The following ASIC2 variants were observed in gnomAD, a reference collection of about 807,000 sequenced individuals.
ASIC2 encodes the protein acid-sensing ion channel 2.
In ASIC2, 25 loss-of-function variants were observed where a neutral mutation model predicts 57.3. That is an observed-to-expected ratio of 0.44 (90% CI 0.32 to 0.61). ASIC2 has a LOEUF of 0.61. Among genes scored for constraint, ASIC2 ranks in the 20% least tolerant of loss-of-function variants. The pLI is 0.06. For synonymous variants in ASIC2, 319 were observed against 307.5 expected, an observed-to-expected ratio of 1.04 and a Z score of -0.39; for missense variants, 641 against 738.1, an observed-to-expected ratio of 0.87 and a Z score of 1.52.
Position 33,291,438 on chromosome 17 carries a change from G to A in ASIC2, c.678C>T (p.Gly226=), listed in dbSNP as rs952150268. Residue 226 remains glycine, a synonymous_variant, in exon 1 of 10, where the codon GGC becomes GGT. Transcript: ENST00000225823. ...AGAAGTTGTGCGGCCCGCAGAGCTC[G>A]CCGCGGTACTTGCAGGAGAGCAGCA... is the stretch of plus-strand genomic sequence containing the variant. The part of the protein sequence containing the change: ...EDMLLSCKYR[G]ELCGPHNFSS... 11 of 1,606,120 alleles carry A rather than the reference G, an allele frequency of 6.8e-6. No homozygotes were observed. The highest frequency in any genetic ancestry group is 2.2e-5 in the East Asian group (1 of 44,692).
intron 1 of ASIC2, among the ~76,000 whole-genome samples, chr17:33,699,192 CATGTGGAGAAG>C (rs1485694749): frequency 3.3e-5 from 5 of 152,178 alleles, no homozygotes; most frequent in Admixed American, 3.3e-4. Flanking sequence ...CTCCATGAGT[CATGTGGAGAAG>C]ACATGTTTAA....
intron 3 of ASIC2, among the ~76,000 whole-genome samples, chr17:33,081,846 A>G (rs2092114228): frequency 6.6e-6 from 1 of 152,230 alleles, no homozygotes; most frequent in East Asian, 1.9e-4. Context: ...AACTTATACC[A>G]GAGGCAGAGG....
chr17:33,229,101 G>A (rs1444069641), intron 1 of ASIC2, among the ~76,000 whole-genome samples: 6 of 152,192 alleles, frequency 3.9e-5, no homozygotes, highest in Non-Finnish European at 7.3e-5. Context: ...ACAGGAACAC[G>A]TGAGACTGTT....
chr17:33,715,470 C>CA (rs553938934), intron 1 of ASIC2, among the ~76,000 whole-genome samples: 94 of 152,258 alleles, frequency 6.2e-4, no homozygotes, highest in Middle Eastern at 3.4e-3. Context: ...AGAGGATGGA[C>CA]AGAGCTGTGT....
At chr17:33,656,087 C>T (rs1250619243) in intron 1 of ASIC2, among the ~76,000 whole-genome samples, 2 of 152,010 alleles carry the variant, frequency 1.3e-5, no homozygotes, top group African/African-American at 4.8e-5. Flanking sequence ...TGAGAGTCTT[C>T]CCTAGAAACT....
intron 1 of ASIC2, among the ~76,000 whole-genome samples, chr17:33,494,921 A>G (rs892209676): frequency 1.1e-4 from 17 of 152,128 alleles, no homozygotes; most frequent in African/African-American, 3.6e-4. Flanking sequence ...GTGGCCTCTG[A>G]CCTGCTGTGC....
chr17:34,100,529 G>A (rs113302641), intron 1 of ASIC2, among the ~76,000 whole-genome samples: 4,449 of 152,268 alleles, frequency 0.029, 233 homozygotes, highest in African/African-American at 0.1. Flanking sequence ...TTCAGACTTT[G>A]TCAACCTCAG....
intron 1 of ASIC2, among the ~76,000 whole-genome samples, chr17:33,506,057 G>C (rs1255237773): frequency 2.0e-5 from 3 of 152,092 alleles, no homozygotes; most frequent in Non-Finnish European, 4.4e-5. Flanking sequence ...CTGGGGTTAG[G>C]GCAGAGTCCT....
At chr17:33,668,032 A>G (rs951921500) in intron 1 of ASIC2, among the ~76,000 whole-genome samples, 1 of 151,972 alleles carries the variant, frequency 6.6e-6, no homozygotes, top group Non-Finnish European at 1.5e-5. Flanking sequence ...ATACTAAAAA[A>G]TCCTCCCCTA....
intron 1 of ASIC2, among the ~76,000 whole-genome samples, chr17:33,209,474 A>G (rs1907193264): frequency 1.3e-5 from 2 of 152,328 alleles, no homozygotes; most frequent in South Asian, 4.1e-4. Context: ...TCTTTGTGAC[A>G]GGGGACAGTC....
At chr17:33,345,811 G>A (rs990388408) in intron 1 of ASIC2, among the ~76,000 whole-genome samples, 5 of 152,128 alleles carry the variant, frequency 3.3e-5, no homozygotes, top group African/African-American at 1.2e-4. Flanking sequence ...TCTCTTGGGT[G>A]CTTGCATGGA....
chr17:33,986,286 G>A (rs181382267), intron 1 of ASIC2, among the ~76,000 whole-genome samples: 2 of 151,460 alleles, frequency 1.3e-5, no homozygotes, highest in East Asian at 3.9e-4. Flanking sequence ...TGCTGAATCA[G>A]CAATTGGGCA....
intron 1 of ASIC2, among the ~76,000 whole-genome samples, chr17:33,445,290 G>T (rs1324834793): frequency 3.3e-5 from 5 of 152,076 alleles, no homozygotes; most frequent in Non-Finnish European, 1.5e-5. Flanking sequence ...AATTAACTGG[G>T]CGTGGTGGCA....
chr17:34,015,435 G>T (rs1050721508), intron 1 of ASIC2, among the ~76,000 whole-genome samples: 1 of 152,212 alleles, frequency 6.6e-6, no homozygotes, highest in African/African-American at 2.4e-5. Context: ...GCCAAAGAAT[G>T]TTGAGTGTGA....
intron 1 of ASIC2, among the ~76,000 whole-genome samples, chr17:33,954,699 A>G (rs915105082): frequency 6.6e-6 from 1 of 152,186 alleles, no homozygotes; most frequent in Non-Finnish European, 1.5e-5. Context: ...CTCTGCCACG[A>G]AGCTGTGAGT....
rs189755825 is a variant in ASIC2 at position 33,869,294 on chromosome 17, C to A, written c.555+286684G>T. Reference sequence around the variant, plus strand: ...GGCAAAGATGTGGGGAAATTGGAACCCTCATACACTGCTGGTGGGAACGTA... The same window carrying A: ...GGCAAAGATGTGGGGAAATTGGAACACTCATACACTGCTGGTGGGAACGTA... On this transcript the variant is annotated intron_variant, in intron 1 of 9. Coordinates refer to the ASIC2 transcript ENST00000359872. 3.3e-5 allele frequency among the ~76,000 whole-genome samples: 5 copies of A among 152,060 alleles called. No homozygotes were observed. The East Asian group carries it at 5.8e-4, about 18-fold the overall frequency.
At chr17:33,752,463 C>A (rs1910465366) in intron 1 of ASIC2, among the ~76,000 whole-genome samples, 1 of 151,992 alleles carries the variant, frequency 6.6e-6, no homozygotes, top group Non-Finnish European at 1.5e-5. Flanking sequence ...AAGCACATAT[C>A]TGAAAAAGGA....
intron 1 of ASIC2, among the ~76,000 whole-genome samples, chr17:33,827,085 G>T (rs913162862): frequency 4.6e-5 from 7 of 152,142 alleles, no homozygotes; most frequent in Admixed American, 1.3e-4. Flanking sequence ...AGATTTTGAT[G>T]TGGCTCTGGA....
intron 1 of ASIC2, among the ~76,000 whole-genome samples, chr17:33,676,274 G>T (rs73280934): frequency 0.049 from 7,448 of 152,224 alleles, 478 homozygotes; most frequent in African/African-American, 0.15. Flanking sequence ...CCTCTAAGTA[G>T]TCAAGTGAAA....
Sources: gnomAD v4.1 joint callset for allele counts (sites outside exome capture counted in the v4.1 genomes callset) on GRCh38, gnomAD v4.1.1 for gene constraint, MANE v1.5 for transcripts, NCBI Gene and HGNC (gene_info 2026-07-23, HGNC 2026-07-21) for gene names.